CNTN3: variants seen among roughly 807,000 people sequenced by gnomAD.
The protein encoded by CNTN3 is contactin 3.
A neutral mutation model predicts 119.1 loss-of-function variants in CNTN3; 60 were observed. The observed-to-expected ratio is 0.50, with a 90% confidence interval of 0.41 to 0.62. The LOEUF (loss-of-function observed/expected upper bound fraction) is 0.62, where lower values mean the gene tolerates loss of function less well. Among genes scored for constraint, CNTN3 ranks in the 20% least tolerant of loss-of-function variants. The pLI is 0.00. For missense variants in CNTN3, 1,101 were observed against 1,242.4 expected, an observed-to-expected ratio of 0.89 and a Z score of 1.71; for synonymous variants, 450 against 438.7, an observed-to-expected ratio of 1.03 and a Z score of -0.32.
intron 19 of CNTN3, among the ~76,000 whole-genome samples, chr3:74,289,646 C>T (rs776475459): frequency 2.0e-5 from 3 of 152,156 alleles, no homozygotes; most frequent in African/African-American, 7.2e-5. Context: ...TTGACAATAG[C>T]TGCTTTATCT....
At chr3:74,406,744 ATGTG>A (rs1363459615) in intron 5 of CNTN3, among the ~76,000 whole-genome samples, 2 of 134,612 alleles carry the variant, frequency 1.5e-5, no homozygotes, top group East Asian at 4.9e-4. Flanking sequence ...GAAACTATGT[ATGTG>A]TAGGTATGCA....
intron 1 of CNTN3, among the ~76,000 whole-genome samples, chr3:74,563,331 C>T (rs369977241): frequency 6.6e-6 from 1 of 152,132 alleles, no homozygotes. Context: ...GACAAAAAAG[C>T]TTACATCTAC....
chr3:74,341,869 C>T (rs1703557627), intron 11 of CNTN3, among the ~76,000 whole-genome samples: 1 of 152,018 alleles, frequency 6.6e-6, no homozygotes, highest in Non-Finnish European at 1.5e-5. Context: ...ATTGTTTTTC[C>T]CTGCCTATAT....
rs1438780796 is a variant in CNTN3 at position 74,336,411 on chromosome 3, C to A, written c.1492+120G>T. 7 of 1,060,802 alleles carry A rather than the reference C, an allele frequency of 6.6e-6. No individual in the cohort carries two copies. The East Asian group carries it at 9.8e-5, about 15-fold the overall frequency. 65.7% of individuals were successfully genotyped at this position (1,060,802 alleles called of 1,614,324 possible). ...TCACCTGTTAAAAATAACATAAGTGCAAATACAGGTTCTACCTTCATAGTG... is the reference window on the plus strand; with the variant it reads ...TCACCTGTTAAAAATAACATAAGTGAAAATACAGGTTCTACCTTCATAGTG... On this transcript the variant is annotated intron_variant, in intron 12 of 22. Coordinates refer to ENST00000263665, the MANE Select transcript of CNTN3 (RefSeq NM_020872.3).
intron 1 of CNTN3, among the ~76,000 whole-genome samples, chr3:74,589,045 G>T (rs201995745): frequency 6.7e-6 from 1 of 150,048 alleles, no homozygotes. Flanking sequence ...CATAGGCATG[G>T]GCAAGGACTT....
intron 1 of CNTN3, among the ~76,000 whole-genome samples, chr3:74,525,364 T>C (rs974301443): frequency 3.3e-5 from 5 of 151,918 alleles, no homozygotes; most frequent in African/African-American, 1.2e-4. Context: ...TGCTTATTTT[T>C]AATCAATGTT....
rs369721413 is a variant in CNTN3 at position 74,268,817 on chromosome 3, G to A, written c.2705-1439C>T. Among the ~76,000 whole-genome samples, 20 of 152,210 alleles carry A rather than the reference G, an allele frequency of 1.3e-4. No individual in the cohort carries two copies. In the East Asian group the frequency reaches 3.7e-3, roughly 28 times the overall value. On this transcript the variant is annotated intron_variant, in intron 20 of 22. Coordinates refer to ENST00000263665, the MANE Select transcript of CNTN3 (RefSeq NM_020872.3). Reference sequence around the variant, plus strand: ...GCCTGACAGCACTATAAAAGGACAGGTTTGGTTTGATGCAGCTGAGCTATA... The same window carrying A: ...GCCTGACAGCACTATAAAAGGACAGATTTGGTTTGATGCAGCTGAGCTATA...
chr3:74,267,948 T>C (rs1370935279), intron 20 of CNTN3, among the ~76,000 whole-genome samples: 1 of 152,134 alleles, frequency 6.6e-6, no homozygotes, highest in Admixed American at 6.6e-5. Flanking sequence ...GGGCAAAATG[T>C]GAGGCAATCA....
chr3:74,602,592 C>G (rs545327092), intron 1 of CNTN3, among the ~76,000 whole-genome samples: 1 of 152,140 alleles, frequency 6.6e-6, no homozygotes, highest in African/African-American at 2.4e-5. Context: ...GACTTCCAGT[C>G]AGATTACTTG....
At chr3:74,408,787 A>G (rs1243288740) in intron 5 of CNTN3, among the ~76,000 whole-genome samples, 1 of 152,128 alleles carries the variant, frequency 6.6e-6, no homozygotes, top group Non-Finnish European at 1.5e-5. Flanking sequence ...CTCTGATCTT[A>G]GAAGAATTTC....
At chr3:74,369,162 T>C in intron 8 of CNTN3, 27 bp downstream of exon 8, 1 of 1,530,258 alleles carries the variant, frequency 6.5e-7, no homozygotes, top group Non-Finnish European at 8.8e-7. Flanking sequence ...AAGCTAAAAC[T>C]CCAATTTGCC....
chr3:74,294,453 G>A (rs1446420494), intron 19 of CNTN3, among the ~76,000 whole-genome samples: 2 of 152,064 alleles, frequency 1.3e-5, no homozygotes, highest in African/African-American at 4.8e-5. Context: ...TTTCTATCAT[G>A]CCTTGCCTAA....
intron 4 of CNTN3, among the ~76,000 whole-genome samples, chr3:74,482,789 T>C (rs1463425404): frequency 2.6e-5 from 4 of 152,152 alleles, no homozygotes; most frequent in African/African-American, 7.2e-5. Flanking sequence ...CAGTTAAGAT[T>C]CCTCTGAAGT....
chr3:74,594,126 C>T (rs542503490), intron 1 of CNTN3, among the ~76,000 whole-genome samples: 2 of 151,980 alleles, frequency 1.3e-5, no homozygotes, highest in Admixed American at 1.3e-4. Flanking sequence ...AGATTGTAAG[C>T]ACTGAGTCTG....
intron 1 of CNTN3, among the ~76,000 whole-genome samples, chr3:74,580,432 A>G (rs1704485946): frequency 6.6e-6 from 1 of 152,200 alleles, no homozygotes; most frequent in African/African-American, 2.4e-5. Context: ...TTACACGGAG[A>G]GAAAATTACA....
intron 2 of CNTN3, among the ~76,000 whole-genome samples, chr3:74,520,696 A>G (rs1223823612): frequency 2.6e-5 from 4 of 151,504 alleles, no homozygotes; most frequent in African/African-American, 9.7e-5. Flanking sequence ...CACTTTTTAA[A>G]TTTATATGCT....
At chr3:74,467,369 G>A (rs1204623728) in intron 4 of CNTN3, among the ~76,000 whole-genome samples, 1 of 152,020 alleles carries the variant, frequency 6.6e-6, no homozygotes, top group Non-Finnish European at 1.5e-5. Flanking sequence ...GTGGGGGATG[G>A]GGGAAGGAAA....
At chr3:74,264,879 A>C (rs1161281921) in intron 22 of CNTN3, among the ~76,000 whole-genome samples, 2 of 152,168 alleles carry the variant, frequency 1.3e-5, no homozygotes, top group Non-Finnish European at 2.9e-5. Context: ...CCTTCATTTT[A>C]TTTATCAATG....
intron 20 of CNTN3, among the ~76,000 whole-genome samples, chr3:74,277,538 A>C (rs1028819563): frequency 1.3e-5 from 2 of 152,124 alleles, no homozygotes. Flanking sequence ...CTCAATAGAT[A>C]CAGAAAAAGC....
Sources: allele counts gnomAD v4.1 joint callset (sites outside exome capture counted in the v4.1 genomes callset), GRCh38; gene constraint gnomAD v4.1.1; transcripts MANE v1.5; gene names NCBI Gene and HGNC (gene_info 2026-07-23, HGNC 2026-07-21).